GABRA2: variants seen among roughly 807,000 people sequenced by gnomAD.
GABRA2 encodes the protein gamma-aminobutyric acid type A receptor subunit alpha2.
GABRA2 carries 16 observed loss-of-function variants against 48.7 expected under a neutral mutation model. The observed-to-expected ratio is 0.33, with a 90% CI of 0.22 to 0.50. GABRA2 has a LOEUF of 0.50. GABRA2 is among the 20% of genes least tolerant of loss of function. The pLI is 0.98. For missense variants in GABRA2, 275 were observed against 535.6 expected, an observed-to-expected ratio of 0.51 and a Z score of 4.80; for synonymous variants, 185 against 184.5, an observed-to-expected ratio of 1.00 and a Z score of -0.02.
intron 3 of GABRA2, among the ~76,000 whole-genome samples, chr4:46,378,841 AG>A (rs1716356920): frequency 6.6e-6 from 1 of 150,472 alleles, no homozygotes; most frequent in Non-Finnish European, 1.5e-5. Context: ...AAAAAAAAAA[AG>A]TAGGCAATAT....
chr4:46,307,197 A>G (rs1212840633), intron 6 of GABRA2, among the ~76,000 whole-genome samples: 3 of 151,966 alleles, frequency 2.0e-5, no homozygotes, highest in Admixed American at 6.6e-5. Flanking sequence ...AAGTAATTTC[A>G]ATTCATTAAC....
intron 3 of GABRA2, chr4:46,364,340 T>C (rs1049765247): frequency 5.3e-5 from 8 of 152,196 alleles, no homozygotes; most frequent in African/African-American, 1.9e-4. Flanking sequence ...AAATGTATTT[T>C]AAAAAATTAG....
chr4:46,271,250 A>T (rs2109401655), intron 8 of GABRA2, among the ~76,000 whole-genome samples: 1 of 152,004 alleles, frequency 6.6e-6, no homozygotes, highest in South Asian at 2.1e-4. Flanking sequence ...CTCTGATAAC[A>T]TGTGTTGGGT....
intron 3 of GABRA2, among the ~76,000 whole-genome samples, chr4:46,383,924 A>G (rs746508573): frequency 3.9e-5 from 6 of 152,216 alleles, no homozygotes; most frequent in Admixed American, 6.5e-5. Flanking sequence ...AAATGAAACC[A>G]GAGAAATAGA....
intron 3 of GABRA2, among the ~76,000 whole-genome samples, chr4:46,376,867 C>G (rs977256040): frequency 6.6e-6 from 1 of 152,024 alleles, no homozygotes; most frequent in African/African-American, 2.4e-5. Flanking sequence ...CTCAGCCTGC[C>G]GACTGCCTGC....
At chr4:46,321,746 C>T (rs1173448925) in intron 4 of GABRA2, among the ~76,000 whole-genome samples, 1 of 151,946 alleles carries the variant, frequency 6.6e-6, no homozygotes, top group African/African-American at 2.4e-5. Flanking sequence ...AATGGTTGGA[C>T]ACCAAGGAAG....
intron 3 of GABRA2, among the ~76,000 whole-genome samples, chr4:46,371,431 T>C (rs1235201160): frequency 2.0e-5 from 3 of 152,190 alleles, no homozygotes; most frequent in Admixed American, 2.0e-4. Flanking sequence ...TTATAATCAA[T>C]TATTCTTGCA....
intron 1 of GABRA2, chr4:46,389,091 G>A: frequency 7.9e-6 from 8 of 1,011,454 alleles, no homozygotes; most frequent in Non-Finnish European, 7.1e-6. Context: ...GAAAGGGAAT[G>A]GGTTGGAGGG....
intron 3 of GABRA2, among the ~76,000 whole-genome samples, chr4:46,352,192 C>A (rs1159050137): frequency 2.0e-5 from 3 of 151,958 alleles, no homozygotes; most frequent in East Asian, 1.9e-4. Context: ...TGAGGCTTTG[C>A]ACTTCTTGTA....
chr4:46,273,492 TATATATATGC>T (rs1401832587), intron 8 of GABRA2, among the ~76,000 whole-genome samples: 3 of 120,784 alleles, frequency 2.5e-5, no homozygotes, highest in African/African-American at 8.1e-5. Flanking sequence ...TGCATATATA[TATATATATGC>T]ATATATATAT....
chr4:46,323,235 C>T (rs905599833), intron 4 of GABRA2, among the ~76,000 whole-genome samples: 4 of 151,966 alleles, frequency 2.6e-5, no homozygotes, highest in South Asian at 2.1e-4. Context: ...TGGTCTGGCT[C>T]GGAATACTTT....
intron 1 of GABRA2, 199 bp downstream of exon 1, chr4:46,389,536 A>T: frequency 2.1e-6 from 1 of 485,030 alleles, no homozygotes; most frequent in Non-Finnish European, 2.7e-6. Context: ...CCTGGATTTT[A>T]TTGTAGTTGC....
intron 8 of GABRA2, among the ~76,000 whole-genome samples, chr4:46,267,349 A>C (rs1203231713): frequency 6.6e-6 from 1 of 152,078 alleles, no homozygotes; most frequent in Non-Finnish European, 1.5e-5. Flanking sequence ...TGTTTGAAAC[A>C]TCATTATTAT....
At chr4:46,277,988 C>T (rs1039466143) in intron 8 of GABRA2, among the ~76,000 whole-genome samples, 7 of 152,132 alleles carry the variant, frequency 4.6e-5, no homozygotes, top group African/African-American at 1.7e-4. Flanking sequence ...TCTAGCTAGA[C>T]AGTTTTCATG....
chr4:46,284,815 A>C (rs929421157), intron 8 of GABRA2, among the ~76,000 whole-genome samples: 1 of 151,972 alleles, frequency 6.6e-6, no homozygotes, highest in Non-Finnish European at 1.5e-5. Flanking sequence ...AAAATTAATT[A>C]AAAAATTAAA....
Position 46,268,251 on chromosome 4 carries a change from G to T in GABRA2, c.857-6123C>A, listed in dbSNP as rs570491164. On this transcript the variant is annotated intron_variant, in intron 8 of 9. Transcript: ENST00000381620. Reference sequence around the variant, plus strand: ...CATATATTTAAAAAATTAACAGAGTGATAAAAATATGTGAATTGGTAGAAA... The same window carrying T: ...CATATATTTAAAAAATTAACAGAGTTATAAAAATATGTGAATTGGTAGAAA... Among the ~76,000 whole-genome samples the T allele has an allele frequency of 5.9e-5, 9 of 151,840 alleles. No homozygotes were observed. The South Asian group carries it at 1.7e-3, about 28-fold the overall frequency.
intron 8 of GABRA2, among the ~76,000 whole-genome samples, chr4:46,287,426 A>G (rs755727606): frequency 9.2e-5 from 14 of 151,884 alleles, no homozygotes; most frequent in Non-Finnish European, 1.6e-4. Flanking sequence ...TGGCACATAT[A>G]CACCATGGAA....
intron 3 of GABRA2, chr4:46,367,728 T>A (rs1218282833): frequency 6.6e-6 from 1 of 152,166 alleles, no homozygotes; most frequent in Non-Finnish European, 1.5e-5. Flanking sequence ...TGCAGAATTA[T>A]ACATCTTGAA....
At chr4:46,347,453 A>G (rs1476295164) in intron 3 of GABRA2, among the ~76,000 whole-genome samples, 1 of 151,902 alleles carries the variant, frequency 6.6e-6, no homozygotes, top group East Asian at 1.9e-4. Flanking sequence ...TCCAAGGTCA[A>G]TTGATATTGA....
Sources: allele counts gnomAD v4.1 joint callset (sites outside exome capture counted in the v4.1 genomes callset), GRCh38; gene constraint gnomAD v4.1.1; transcripts MANE v1.5; gene names NCBI Gene and HGNC (gene_info 2026-07-23, HGNC 2026-07-21).